BMPR1B: variants seen among roughly 807,000 people sequenced by gnomAD.
The protein encoded by BMPR1B is bone morphogenetic protein receptor type 1B.
Under a neutral mutation model 59.1 loss-of-function variants are expected in BMPR1B, and 12 were observed. The observed-to-expected ratio is 0.20, with a 90% CI of 0.13 to 0.33. The LOEUF is 0.33. Among genes scored for constraint, BMPR1B ranks in the 10% least tolerant of loss-of-function variants. BMPR1B has a pLI of 1.00. For missense variants in BMPR1B, 550 were observed against 610.9 expected, an observed-to-expected ratio of 0.90 and a Z score of 1.05; for synonymous variants, 237 against 207.3, an observed-to-expected ratio of 1.14 and a Z score of -1.23.
At chr4:95,063,191 A>G (rs184776147) in intron 3 of BMPR1B, among the ~76,000 whole-genome samples, 1 of 152,328 alleles carries the variant, frequency 6.6e-6, no homozygotes, top group Admixed American at 6.5e-5. Flanking sequence ...TACAATAGCT[A>G]TTAATAAACT....
intron 2 of BMPR1B, among the ~76,000 whole-genome samples, chr4:94,986,297 C>CAATG (rs1721402612): frequency 6.6e-6 from 1 of 152,098 alleles, no homozygotes; most frequent in Non-Finnish European, 1.5e-5. Context: ...TGTTCTTGCT[C>CAATG]AGTCTAGGAC....
At chr4:94,831,299 G>A (rs980361048) in intron 1 of BMPR1B, among the ~76,000 whole-genome samples, 1 of 133,354 alleles carries the variant, frequency 7.5e-6, no homozygotes, top group Non-Finnish European at 1.7e-5. Flanking sequence ...AAATATTTTT[G>A]TATAGCTGTA....
At chr4:95,120,683 CTT>C (rs1185524464) in intron 6 of BMPR1B, among the ~76,000 whole-genome samples, 2 of 142,796 alleles carry the variant, frequency 1.4e-5, no homozygotes, top group South Asian at 2.2e-4. Context: ...CTTTTCTTTT[CTT>C]TCTTTCTTTC....
rs575397994 is a variant in BMPR1B at position 94,908,456 on chromosome 4, C to A, written c.-113+32556C>A. Among the ~76,000 whole-genome samples the A allele has an allele frequency of 1.1e-3, 160 of 151,776 alleles. 1 individual carries two copies. The highest frequency in any genetic ancestry group is 2.0e-3 in the Non-Finnish European group (136 of 67,906). On this transcript the variant is annotated intron_variant, in intron 2 of 12. Coordinates refer to ENST00000515059, the MANE Select transcript of BMPR1B (RefSeq NM_001203.3). Reference sequence around the variant, plus strand: ...GTTATCTTTCTTCTCTCAGTGGCCCCGTCTCTTGTGCTTGCTTTTCATCCT... The same window carrying A: ...GTTATCTTTCTTCTCTCAGTGGCCCAGTCTCTTGTGCTTGCTTTTCATCCT...
intron 2 of BMPR1B, among the ~76,000 whole-genome samples, chr4:94,933,295 T>TA (rs2149036053): frequency 6.6e-6 from 1 of 152,224 alleles, no homozygotes; most frequent in South Asian, 2.1e-4. Context: ...ATAGTTTATT[T>TA]AACTTTTTCC....
chr4:95,130,732 T>C (rs1261335868), intron 9 of BMPR1B, among the ~76,000 whole-genome samples: 8 of 137,710 alleles, frequency 5.8e-5, no homozygotes, highest in African/African-American at 8.1e-5. Flanking sequence ...TCTTTTTTTT[T>C]TTTTTTTTTT....
At chr4:95,062,002 G>A (rs930408199) in intron 3 of BMPR1B, among the ~76,000 whole-genome samples, 1 of 152,102 alleles carries the variant, frequency 6.6e-6, no homozygotes, top group Non-Finnish European at 1.5e-5. Flanking sequence ...CTGCCGTCAC[G>A]TGAAGATGTG....
At chr4:95,039,314 A>G (rs1044465409) in intron 3 of BMPR1B, among the ~76,000 whole-genome samples, 2 of 152,038 alleles carry the variant, frequency 1.3e-5, no homozygotes, top group Non-Finnish European at 2.9e-5. Flanking sequence ...AGAATGTAGT[A>G]TCTCCATCTT....
chr4:94,823,630 G>T (rs1399661540), intron 1 of BMPR1B, among the ~76,000 whole-genome samples: 1 of 152,112 alleles, frequency 6.6e-6, no homozygotes, highest in Non-Finnish European at 1.5e-5. Context: ...AGGCAAAGAT[G>T]TAACCATACA....
At chr4:94,776,151 C>G (rs1182096842) in intron 1 of BMPR1B, among the ~76,000 whole-genome samples, 1 of 150,200 alleles carries the variant, frequency 6.7e-6, no homozygotes, top group Non-Finnish European at 1.5e-5. Flanking sequence ...CTTAAGGTTT[C>G]TCTTTTGAAA....
chr4:94,967,789 A>G (rs1730609825), intron 2 of BMPR1B, among the ~76,000 whole-genome samples: 1 of 152,120 alleles, frequency 6.6e-6, no homozygotes, highest in Admixed American at 6.6e-5. Context: ...GGCCTAGAAT[A>G]GATAACTTTG....
intron 3 of BMPR1B, among the ~76,000 whole-genome samples, chr4:95,027,759 A>G (rs552490752): frequency 1.9e-4 from 29 of 152,284 alleles, no homozygotes; most frequent in South Asian, 1.9e-3. Flanking sequence ...AGTAGATGAA[A>G]TGCCTGCTTT....
chr4:94,941,699 C>G (rs1729520818), intron 2 of BMPR1B, among the ~76,000 whole-genome samples: 1 of 151,672 alleles, frequency 6.6e-6, no homozygotes, highest in South Asian at 2.1e-4. Context: ...CATTTTTTTT[C>G]TGGGTGTATT....
intron 2 of BMPR1B, among the ~76,000 whole-genome samples, chr4:94,878,514 C>T (rs1726825271): frequency 6.6e-6 from 1 of 152,172 alleles, no homozygotes; most frequent in Non-Finnish European, 1.5e-5. Flanking sequence ...GTTACACTGG[C>T]CCAGGTAAAC....
chr4:95,124,146 G>A (rs547627006), intron 7 of BMPR1B, among the ~76,000 whole-genome samples: 2 of 152,046 alleles, frequency 1.3e-5, no homozygotes, highest in African/African-American at 4.8e-5. Context: ...TTTATCCCTA[G>A]GGAAACTAGG....
chr4:95,150,929 A>G (rs1361236438), intron 11 of BMPR1B, among the ~76,000 whole-genome samples: 1 of 152,228 alleles, frequency 6.6e-6, no homozygotes, highest in Non-Finnish European at 1.5e-5. Flanking sequence ...GATAATTTAT[A>G]TAGCATACCT....
At chr4:95,013,775 A>G (rs1161904441) in intron 3 of BMPR1B, among the ~76,000 whole-genome samples, 1 of 152,178 alleles carries the variant, frequency 6.6e-6, no homozygotes, top group African/African-American at 2.4e-5. Context: ...ATTTTATTAT[A>G]CTACTTATTA....
chr4:95,150,470 AC>A (rs1274546520), intron 11 of BMPR1B, among the ~76,000 whole-genome samples: 13 of 148,046 alleles, frequency 8.8e-5, no homozygotes, highest in African/African-American at 2.5e-4. Flanking sequence ...AAAAAAAAAA[AC>A]AAGTAGACGA....
chr4:94,766,599 A>G (rs1721978692), intron 1 of BMPR1B, among the ~76,000 whole-genome samples: 1 of 151,974 alleles, frequency 6.6e-6, no homozygotes, highest in Non-Finnish European at 1.5e-5. Context: ...TTAATTGTAA[A>G]GAATGTTCAT....
Sources: gnomAD v4.1 joint callset for allele counts (sites outside exome capture counted in the v4.1 genomes callset) on GRCh38, gnomAD v4.1.1 for gene constraint, MANE v1.5 for transcripts, NCBI Gene and HGNC (gene_info 2026-07-23, HGNC 2026-07-21) for gene names.